The following STPG2 variants were observed in gnomAD, a reference collection of about 807,000 sequenced individuals.
The protein encoded by STPG2 is sperm-tail PG-rich repeat-containing protein 2.
STPG2 carries 56 observed loss-of-function variants against 54.2 expected under a neutral mutation model. The observed-to-expected ratio is 1.03, with a 90% CI of 0.83 to 1.29. STPG2 has a LOEUF of 1.29. Ranked by LOEUF, STPG2 falls within the 50% of genes most tolerant of loss-of-function variation. The pLI, the probability that STPG2 is intolerant of heterozygous loss-of-function variation, is 0.00. For missense variants in STPG2, 596 were observed against 544.9 expected (o/e 1.09, Z -0.93); for synonymous variants, 200 against 181.8 (o/e 1.10, Z -0.81).
At chr4:97,751,043 A>G (rs1560513999) in intron 9 of STPG2, among the ~76,000 whole-genome samples, 1 of 151,868 alleles carries the variant, frequency 6.6e-6, no homozygotes, top group Non-Finnish European at 1.5e-5. Context: ...TGAGTTGCTC[A>G]AACCCTGCAC....
At chr4:97,770,928 C>A (rs595656) in intron 9 of STPG2, among the ~76,000 whole-genome samples, 24,499 of 151,938 alleles carry the variant, frequency 0.16, 2,146 homozygotes, top group East Asian at 0.36. Flanking sequence ...TTTGAGAGAC[C>A]TATTAACCAC....
intron 8 of STPG2, among the ~76,000 whole-genome samples, chr4:97,900,681 C>T (rs886173032): frequency 1.3e-5 from 2 of 152,026 alleles, no homozygotes; most frequent in African/African-American, 4.8e-5. Flanking sequence ...AACAGAAAAT[C>T]AAATACCACA....
chr4:97,544,175 C>G (rs1368380796), intron 4 of STPG2, among the ~76,000 whole-genome samples: 1 of 152,020 alleles, frequency 6.6e-6, no homozygotes, highest in Non-Finnish European at 1.5e-5. Context: ...TATAAAGATA[C>G]AATTCCAGTT....
At chr4:98,036,469 T>A (rs924512788) in intron 5 of STPG2, among the ~76,000 whole-genome samples, 1 of 151,770 alleles carries the variant, frequency 6.6e-6, no homozygotes, top group Non-Finnish European at 1.5e-5. Context: ...TGAAATACTA[T>A]GCAGCAATAA....
chr4:97,768,419 AT>A (rs1259986168), intron 9 of STPG2, among the ~76,000 whole-genome samples: 1 of 152,144 alleles, frequency 6.6e-6, no homozygotes, highest in East Asian at 1.9e-4. Context: ...AGAAACAAAT[AT>A]TTTATTGGGA....
At chr4:97,560,090 A>G (rs569152919) in intron 10 of STPG2, among the ~76,000 whole-genome samples, 3 of 152,276 alleles carry the variant, frequency 2.0e-5, no homozygotes, top group African/African-American at 7.2e-5. Flanking sequence ...CTCCCAGACT[A>G]CAGATTCCCA....
At chr4:97,820,695 C>T (rs185708053) in intron 9 of STPG2, among the ~76,000 whole-genome samples, 1 of 152,138 alleles carries the variant, frequency 6.6e-6, no homozygotes, top group Non-Finnish European at 1.5e-5. Flanking sequence ...ACATCTGCTT[C>T]AATGTGGGGA....
At chr4:98,003,545 G>A (rs1735478851) in intron 5 of STPG2, among the ~76,000 whole-genome samples, 2 of 152,118 alleles carry the variant, frequency 1.3e-5, no homozygotes, top group South Asian at 2.1e-4. Flanking sequence ...TTGGCTTGGA[G>A]GTAATGAGTT....
At chr4:97,577,960 A>T (rs1732764570) in intron 10 of STPG2, among the ~76,000 whole-genome samples, 1 of 152,212 alleles carries the variant, frequency 6.6e-6, no homozygotes, top group African/African-American at 2.4e-5. Flanking sequence ...TAAAGTTATT[A>T]TCTTTGCAGA....
intron 3 of STPG2, among the ~76,000 whole-genome samples, chr4:98,126,686 T>C (rs548779504): frequency 9.2e-5 from 14 of 152,326 alleles, no homozygotes; most frequent in African/African-American, 2.6e-4. Context: ...CTGCTTCTAA[T>C]TGGCCATCTT....
At position 98,015,974 on chromosome 4, in the gene STPG2, G is replaced by A. The variant is rs182230037; in HGVS notation, c.613-34656C>T. ...ACACAAGGACAGAAAACCAAACATC[G>A]CATGTTTTCACTCAGAAGTGGGAGA... On this transcript the variant is annotated intron_variant, in intron 5 of 10. Coordinates refer to ENST00000295268, the MANE Select transcript of STPG2 (RefSeq NM_174952.3). 1.7e-3 allele frequency among the ~76,000 whole-genome samples: 259 copies of A among 152,226 alleles called. 2 individuals are homozygous for A. The highest frequency in any genetic ancestry group is 2.7e-3 in the Admixed American group (41 of 15,288).
chr4:97,922,014 C>A (rs1302390431), intron 8 of STPG2, among the ~76,000 whole-genome samples: 2 of 152,064 alleles, frequency 1.3e-5, no homozygotes, highest in Non-Finnish European at 2.9e-5. Flanking sequence ...TTTCCAGGAG[C>A]TGGAGGGCAG....
intron 10 of STPG2, among the ~76,000 whole-genome samples, chr4:97,703,659 AAC>A (rs1723852383): frequency 1.5e-5 from 2 of 132,998 alleles, no homozygotes; most frequent in African/African-American, 3.2e-5. Context: ...ATATAAATAA[AAC>A]ATATATAAAA....
At chr4:97,617,716 T>C (rs186995382) in intron 10 of STPG2, among the ~76,000 whole-genome samples, 1 of 152,060 alleles carries the variant, frequency 6.6e-6, no homozygotes, top group East Asian at 1.9e-4. Context: ...TTTCTTTAAG[T>C]GAAAAAGAAA....
chr4:97,470,288 GA>G (rs1729891154), intron 4 of STPG2, among the ~76,000 whole-genome samples: 1 of 152,046 alleles, frequency 6.6e-6, no homozygotes, highest in Non-Finnish European at 1.5e-5. Flanking sequence ...ACTGAGACTG[GA>G]GGCACATTTG....
At position 97,533,821 on chromosome 4, in the gene STPG2, T is replaced by C. The variant is rs187832160; in HGVS notation, c.462+178878A>G. 3.5e-3 allele frequency among the ~76,000 whole-genome samples: 530 copies of C among 152,272 alleles called. 4 individuals carry two copies. The highest frequency in any genetic ancestry group is 0.012 in the African/African-American group (491 of 41,582). ...ATTTGGGTTACTTTGAATTTGGTGGTATCTTAACAAAACAGTGTGAAAATC... is the reference window on the plus strand; with the variant it reads ...ATTTGGGTTACTTTGAATTTGGTGGCATCTTAACAAAACAGTGTGAAAATC... On this transcript the variant is annotated intron_variant, in intron 4 of 4. Coordinates refer to the STPG2 transcript ENST00000522676.
In STPG2 at chr4:97,745,252, AAAC is replaced by A. The variant is rs1308660536; in HGVS notation, c.1205-32441_1205-32439del. Among the ~76,000 whole-genome samples, 3 of 97,910 alleles carry A rather than the reference AAAC, an allele frequency of 3.1e-5. No homozygotes were observed. The South Asian group carries it at 1.2e-3, about 39-fold the overall frequency. 64.2% of individuals were successfully genotyped at this position (97,910 alleles called of 152,430 possible). On this transcript the variant is annotated intron_variant, in intron 9 of 10. Coordinates refer to ENST00000295268, the MANE Select transcript of STPG2 (RefSeq NM_174952.3). ...AAACCATGGCATAAAACTAAAAAAA[AAAC>A]AAAAAAACAAAAAAAAAAACAATTG... is the stretch of plus-strand genomic sequence containing the variant.
intron 9 of STPG2, among the ~76,000 whole-genome samples, chr4:97,791,482 G>A (rs759869718): frequency 5.3e-5 from 8 of 152,014 alleles, no homozygotes; most frequent in Non-Finnish European, 1.0e-4. Flanking sequence ...TTTTAAAGTT[G>A]TCAAAGTCAG....
chr4:97,553,231 G>A (rs891098780), intron 4 of STPG2, among the ~76,000 whole-genome samples: 5 of 152,056 alleles, frequency 3.3e-5, no homozygotes, highest in African/African-American at 1.2e-4. Flanking sequence ...TTCCTATTAT[G>A]GCAGAAAATG....
Sources: allele counts gnomAD v4.1 joint callset (sites outside exome capture counted in the v4.1 genomes callset), GRCh38; gene constraint gnomAD v4.1.1; transcripts MANE v1.5; gene names NCBI Gene and HGNC (gene_info 2026-07-23, HGNC 2026-07-21).